Variants in EFNA5 observed in about 807,000 individuals in gnomAD.
EFNA5 encodes the protein ephrin-A5.
In EFNA5, 5 loss-of-function variants were observed where a neutral mutation model predicts 22.9. The observed-to-expected ratio is 0.22, with a 90% CI of 0.11 to 0.46. The LOEUF (loss-of-function observed/expected upper bound fraction) is 0.46, where lower values mean the gene tolerates loss of function less well. Among genes scored for constraint, EFNA5 ranks in the 20% least tolerant of loss-of-function variants. EFNA5 has a pLI of 0.99. For missense variants in EFNA5, 237 were observed against 293.3 expected (o/e 0.81, Z 1.40); for synonymous variants, 113 against 112.2 (o/e 1.01, Z -0.04).
At chr5:107,560,364 C>T (rs1344536229) in intron 1 of EFNA5, among the ~76,000 whole-genome samples, 1 of 152,114 alleles carries the variant, frequency 6.6e-6, no homozygotes, top group Admixed American at 6.5e-5. Context: ...AACAAAGTAA[C>T]AAAGTAACTA....
At chr5:107,475,322 C>A (rs1750253288) in intron 1 of EFNA5, among the ~76,000 whole-genome samples, 1 of 152,180 alleles carries the variant, frequency 6.6e-6, no homozygotes, top group Non-Finnish European at 1.5e-5. Context: ...TTCACACTTA[C>A]CCAGCTATCA....
chr5:107,629,961 C>T (rs1440671334), intron 1 of EFNA5, among the ~76,000 whole-genome samples: 2 of 151,254 alleles, frequency 1.3e-5, no homozygotes, highest in Non-Finnish European at 2.9e-5. Flanking sequence ...GAGGCTGAGG[C>T]GGGAGAATCT....
intron 1 of EFNA5, among the ~76,000 whole-genome samples, chr5:107,546,105 A>T (rs1010633984): frequency 3.3e-5 from 5 of 152,132 alleles, no homozygotes; most frequent in African/African-American, 1.2e-4. Context: ...CCCTTAAGCG[A>T]TATCAAAAGT....
At chr5:107,529,772 C>T (rs1420894621) in intron 1 of EFNA5, among the ~76,000 whole-genome samples, 2 of 152,146 alleles carry the variant, frequency 1.3e-5, no homozygotes, top group African/African-American at 4.8e-5. Context: ...ACTGCATGGC[C>T]AACCCCCTTC....
At chr5:107,497,392 T>A (rs932578038) in intron 1 of EFNA5, among the ~76,000 whole-genome samples, 5 of 152,202 alleles carry the variant, frequency 3.3e-5, no homozygotes, top group African/African-American at 1.2e-4. Context: ...AACGGAGCCT[T>A]ATATGGAGAA....
rs757388477 is a variant in EFNA5, at chr5:107,438,189, G to A, written c.126-10680C>T. Among the ~76,000 whole-genome samples the A allele has an allele frequency of 1.6e-4, 25 of 152,068 alleles. No homozygotes were observed. In the South Asian group the frequency reaches 3.9e-3, roughly 24 times the overall value. ...ATTACTAATTCATTACAAATCAGGCGGAGAAGCTTATTATTTGTAATGCTT... is the reference window on the plus strand; with the variant it reads ...ATTACTAATTCATTACAAATCAGGCAGAGAAGCTTATTATTTGTAATGCTT... On this transcript the variant is annotated intron_variant, in intron 1 of 4. Coordinates refer to ENST00000333274, the MANE Select transcript of EFNA5 (RefSeq NM_001962.3).
rs11317668 is a variant in EFNA5, at chr5:107,465,063, C to CT, written c.126-37555dup. Among the ~76,000 whole-genome samples, 52 of 147,498 alleles carry CT rather than the reference C, an allele frequency of 3.5e-4. 1 individual carries two copies. The highest frequency in any genetic ancestry group is 1.2e-3 in the East Asian group (6 of 4,984). On this transcript the variant is annotated intron_variant, in intron 1 of 4. Transcript: ENST00000333274. ...CCCAAACTTTCCATTCTGTGTGAGGCTTTTTTTTTTTTTTTAAGAAAAACA... is the reference window on the plus strand; with the variant it reads ...CCCAAACTTTCCATTCTGTGTGAGGCTTTTTTTTTTTTTTTTAAGAAAAACA...
At chr5:107,543,458 C>G (rs1314474315) in intron 1 of EFNA5, among the ~76,000 whole-genome samples, 3 of 152,154 alleles carry the variant, frequency 2.0e-5, no homozygotes, top group African/African-American at 7.2e-5. Context: ...AGTTATCTTC[C>G]TTACCCAAAA....
chr5:107,617,536 C>G (rs1308600154), intron 1 of EFNA5, among the ~76,000 whole-genome samples: 1 of 152,048 alleles, frequency 6.6e-6, no homozygotes, highest in Non-Finnish European at 1.5e-5. Context: ...CCATTATCTG[C>G]AATTTCAGAC....
At chr5:107,507,437 T>C (rs1580502173) in intron 1 of EFNA5, among the ~76,000 whole-genome samples, 1 of 152,164 alleles carries the variant, frequency 6.6e-6, no homozygotes, top group Non-Finnish European at 1.5e-5. Context: ...TTTAAAAGAT[T>C]AAAACAATAG....
intron 1 of EFNA5, among the ~76,000 whole-genome samples, chr5:107,613,373 A>AT (rs1749859527): frequency 6.6e-6 from 1 of 152,010 alleles, no homozygotes; most frequent in African/African-American, 2.4e-5. Context: ...AATATGGCCA[A>AT]TGTAATTACT....
chr5:107,571,050 A>T (rs976232738), intron 1 of EFNA5, among the ~76,000 whole-genome samples: 3 of 152,136 alleles, frequency 2.0e-5, no homozygotes, highest in Non-Finnish European at 4.4e-5. Context: ...CTCTCTCTCA[A>T]CAGGAAGTAG....
At chr5:107,477,947 G>A (rs1466634086) in intron 1 of EFNA5, among the ~76,000 whole-genome samples, 1 of 152,100 alleles carries the variant, frequency 6.6e-6, no homozygotes, top group Non-Finnish European at 1.5e-5. Context: ...TTTAGAGGTA[G>A]CATAACTGAT....
At chr5:107,598,791 A>T (rs1047910963) in intron 1 of EFNA5, among the ~76,000 whole-genome samples, 1 of 152,180 alleles carries the variant, frequency 6.6e-6, no homozygotes, top group East Asian at 1.9e-4. Flanking sequence ...TTTTTATCTA[A>T]CATGCCGAAT....
At chr5:107,502,363 G>A (rs1205759588) in intron 1 of EFNA5, among the ~76,000 whole-genome samples, 8 of 152,084 alleles carry the variant, frequency 5.3e-5, no homozygotes, top group Non-Finnish European at 1.2e-4. Context: ...CCCTCATCAT[G>A]CCACAGTCAA....
At chr5:107,578,432 G>T (rs947818549) in intron 1 of EFNA5, among the ~76,000 whole-genome samples, 3 of 152,118 alleles carry the variant, frequency 2.0e-5, no homozygotes, top group African/African-American at 7.2e-5. Flanking sequence ...AACCCAGAGA[G>T]TCCCAAGAGG....
Position 107,635,178 on chromosome 5 carries a change from C to T in EFNA5, c.125+35311G>A, listed in dbSNP as rs540728407. The stretch of plus-strand genomic sequence containing the variant: ...CAAAGCTTCTTAAAATAACATTCTT[C>T]TTAAATCGCATCCATATGATTTAGC... On this transcript the variant is annotated intron_variant, in intron 1 of 4. Coordinates refer to ENST00000333274, the MANE Select transcript of EFNA5 (RefSeq NM_001962.3). Among the ~76,000 whole-genome samples, 248 of 152,336 alleles carry T rather than the reference C, an allele frequency of 1.6e-3. 2 individuals carry two copies. Among genetic ancestry groups the T allele is most frequent in the African/African-American group, 5.8e-3 (241 of 41,566 alleles).
chr5:107,387,199 T>A (rs759901437), intron 4 of EFNA5, 36 bp downstream of exon 4: 2 of 1,404,044 alleles, frequency 1.4e-6, no homozygotes, highest in Admixed American at 1.9e-5. Flanking sequence ...GAGAAATAGA[T>A]GCATTTGTTA....
chr5:107,666,089 G>A (rs1038306802), intron 1 of EFNA5, among the ~76,000 whole-genome samples: 2 of 151,994 alleles, frequency 1.3e-5, no homozygotes, highest in African/African-American at 4.8e-5. Context: ...CAAAAGTAAG[G>A]ACAATCTAAG....
Sources: gnomAD v4.1 joint callset for allele counts (sites outside exome capture counted in the v4.1 genomes callset) on GRCh38, gnomAD v4.1.1 for gene constraint, MANE v1.5 for transcripts, NCBI Gene and HGNC (gene_info 2026-07-23, HGNC 2026-07-21) for gene names.